PIGR: variants seen among roughly 807,000 people sequenced by gnomAD.
PIGR encodes the protein polymeric immunoglobulin receptor.
Under a neutral mutation model 69.5 loss-of-function variants are expected in PIGR, and 22 were observed. The observed-to-expected ratio is 0.32, with a 90% confidence interval of 0.23 to 0.45. The LOEUF (loss-of-function observed/expected upper bound fraction) is 0.45. Among genes scored for constraint, PIGR ranks in the 20% least tolerant of loss-of-function variants. The pLI is 1.00. For missense variants in PIGR, 885 were observed against 974.0 expected (o/e 0.91, Z 1.22); for synonymous variants, 413 against 407.6 (o/e 1.01, Z -0.16).
intron 1 of PIGR, among the ~76,000 whole-genome samples, chr1:206,945,524 C>T (rs1265248690): frequency 2.0e-5 from 3 of 152,222 alleles, no homozygotes; most frequent in African/African-American, 7.2e-5. Context: ...TGGGGCTCAG[C>T]TCCACCTCAC....
chr1:206,939,101 A>T lies in PIGR; in HGVS notation c.388+18T>A. 1 of 1,583,012 alleles carries T rather than the reference A, an allele frequency of 6.3e-7. No homozygotes were observed. The highest frequency in any genetic ancestry group is 8.6e-7 in the Non-Finnish European group (1 of 1,158,178). On this transcript the variant is annotated intron_variant, in intron 3 of 10. Coordinates refer to ENST00000356495, the MANE Select transcript of PIGR (RefSeq NM_002644.4). ...CCTCTAACTTTCCCCCAGAAGCCCA[A>T]GGAGCTTGGATCCTTACCCTGGCTG...
chr1:206,932,622 G>C, intron 7 of PIGR, 45 bp from the exon 8 acceptor site: 1 of 1,565,354 alleles, frequency 6.4e-7, no homozygotes, highest in Non-Finnish European at 8.7e-7. Context: ...GGGAGATCTG[G>C]GGGCCCGACG....
rs1328118541 is a variant in PIGR at position 206,930,549 on chromosome 1, A to T, written c.2200-136T>A. On this transcript the variant is annotated intron_variant, in intron 10 of 10. Transcript: ENST00000356495. This position sits in a 1 kb window ranked among gnomAD's most constrained non-coding sequence, Gnocchi z 4.3. Reference sequence around the variant, plus strand: ...CAAGCCTTTGGGGCCCACTGTTCTCATCCCAGCCCCCATGCTCACCAAGAA... The same window carrying T: ...CAAGCCTTTGGGGCCCACTGTTCTCTTCCCAGCCCCCATGCTCACCAAGAA... The T allele has an allele frequency of 3.0e-6, 4 of 1,335,954 alleles. No homozygotes were observed. Among genetic ancestry groups the T allele is most frequent in the Admixed American group, 3.5e-5 (1 of 28,260 alleles). 82.8% of individuals were successfully genotyped at this position (1,335,954 alleles called of 1,614,324 possible).
chr1:206,931,157 A>G (rs1679738178), intron 10 of PIGR: 2 of 985,238 alleles, frequency 2.0e-6, no homozygotes, highest in African/African-American at 1.7e-5. Flanking sequence ...GGGTCCCCCA[A>G]CCCAGGAAGA....
intron 3 of PIGR, among the ~76,000 whole-genome samples, chr1:206,938,348 A>G (rs962089626): frequency 2.0e-5 from 3 of 152,190 alleles, no homozygotes; most frequent in African/African-American, 7.2e-5. Flanking sequence ...CTTCACCTCT[A>G]AAGATTCTGT....
Position 206,930,084 on chromosome 1 carries a change from C to T in PIGR, c.*234G>A. The T allele has an allele frequency of 2.3e-6, 1 of 435,480 alleles. No individual in the cohort carries two copies. Among genetic ancestry groups the T allele is most frequent in the Non-Finnish European group, 4.1e-6 (1 of 245,974 alleles). The allele number at this position is 435,480 out of a possible 1,614,324, so 27.0% of individuals were successfully genotyped here. On this transcript the variant is annotated 3_prime_UTR_variant, in exon 11 of 11. Transcript: ENST00000356495. The surrounding 1 kb of genome is among the most constrained non-coding windows in gnomAD (Gnocchi z 4.3). The stretch of plus-strand genomic sequence containing the variant: ...TTCTTCTCCGTACCTGAGGTTCTCT[C>T]AACAGAAAGAAGTTGCAAGTGGGAC...
At chr1:206,943,584 T>C (rs1055719468) in intron 1 of PIGR, among the ~76,000 whole-genome samples, 5 of 152,216 alleles carry the variant, frequency 3.3e-5, no homozygotes, top group Admixed American at 3.3e-4. Context: ...TTTCTTTTTA[T>C]AAAATGTATT....
In PIGR at chr1:206,930,493, T is replaced by A; in HGVS notation, c.2200-80A>T. Reference sequence around the variant, plus strand: ...GTCAGGGGAGGGGAGGTGCTTAATGTCCTGAATTCGTGATCTTGGTCCAAG... The same window carrying A: ...GTCAGGGGAGGGGAGGTGCTTAATGACCTGAATTCGTGATCTTGGTCCAAG... On this transcript the variant is annotated intron_variant, in intron 10 of 10. Transcript: ENST00000356495. The surrounding 1 kb of genome is among the most constrained non-coding windows in gnomAD (Gnocchi z 4.3). 1 of 1,498,858 alleles carries A rather than the reference T, an allele frequency of 6.7e-7. No individual in the cohort carries two copies. The highest frequency in any genetic ancestry group is 1.3e-5 in the South Asian group (1 of 74,438). The allele number at this position is 1,498,858 out of a possible 1,614,324, so 92.8% of individuals were successfully genotyped here. A position where few individuals can be genotyped will look rare whatever the true frequency, so the allele number is the denominator to read the frequency against.
In PIGR at chr1:206,935,709, A is replaced by G; in HGVS notation, c.1155T>C (p.Cys385=). 1.2e-6 allele frequency: 2 copies of G among 1,613,960 alleles called. No homozygotes were observed. Among genetic ancestry groups the G allele is most frequent in the South Asian group, 1.1e-5 (1 of 91,064 alleles). Residue 385 remains cysteine (C), a synonymous_variant, in exon 5 of 11, where the codon TGT becomes TGC. Transcript: ENST00000356495. This position sits in a 1 kb window ranked among gnomAD's most constrained non-coding sequence, Gnocchi z 4.4. ...RKESKSIKYW[C]LWEGAQNGRC... Reference sequence around the variant, plus strand: ...GGCCATTCTGGGCCCCTTCCCAGAGACACCAGTACTTGATGCTTTTGCTTT... The same window carrying G: ...GGCCATTCTGGGCCCCTTCCCAGAGGCACCAGTACTTGATGCTTTTGCTTT...
chr1:206,940,459 G>A, intron 2 of PIGR, 30 bp downstream of exon 2: 2 of 1,550,236 alleles, frequency 1.3e-6, no homozygotes, highest in East Asian at 4.9e-5. Context: ...AAGGGGTGGA[G>A]CTTGGAGAGT....
chr1:206,942,334 A>C (rs186989849), intron 1 of PIGR, among the ~76,000 whole-genome samples: 6 of 152,344 alleles, frequency 3.9e-5, no homozygotes, highest in Admixed American at 2.0e-4. Context: ...CTGCGTGGGC[A>C]CTGCAAGCTG....
rs574544005 is a variant in PIGR, at chr1:206,930,698, A to G, written c.2200-285T>C. 1.0e-6 allele frequency: 1 copy of G among 985,306 alleles called. No individual in the cohort carries two copies. The highest frequency in any genetic ancestry group is 1.2e-6 in the Non-Finnish European group (1 of 829,942). 61.0% of individuals were successfully genotyped at this position (985,306 alleles called of 1,614,324 possible). A position where few individuals can be genotyped will look rare whatever the true frequency, so the allele number is the denominator to read the frequency against. Reference sequence around the variant, plus strand: ...CCGGGCCTGTCCCCGGAAGCTGCCCACACAGTCCACGGGCAAGGTGGCCTA... The same window carrying G: ...CCGGGCCTGTCCCCGGAAGCTGCCCGCACAGTCCACGGGCAAGGTGGCCTA... On this transcript the variant is annotated intron_variant, in intron 10 of 10. Transcript: ENST00000356495. This position sits in a 1 kb window ranked among gnomAD's most constrained non-coding sequence, Gnocchi z 4.3.
At position 206,930,255 on chromosome 1, in the gene PIGR, C is replaced by G; in HGVS notation, c.*63G>C. 3 of 1,448,164 alleles carry G rather than the reference C, an allele frequency of 2.1e-6. No homozygotes were observed. Among genetic ancestry groups the G allele is most frequent in the Non-Finnish European group, 2.8e-6 (3 of 1,062,900 alleles). 89.7% of individuals were successfully genotyped at this position (1,448,164 alleles called of 1,614,324 possible). A position where few individuals can be genotyped will look rare whatever the true frequency, so the allele number is the denominator to read the frequency against. On this transcript the variant is annotated 3_prime_UTR_variant, in exon 11 of 11. Transcript: ENST00000356495. This position sits in a 1 kb window ranked among gnomAD's most constrained non-coding sequence, Gnocchi z 4.3. ...AGTGGGGTCCCCAGGAGCTGAGGGCCCCAGGATCGACATGATTCTGAAGGT... is the reference window on the plus strand; with the variant it reads ...AGTGGGGTCCCCAGGAGCTGAGGGCGCCAGGATCGACATGATTCTGAAGGT...
At chr1:206,934,366 A>G in intron 6 of PIGR, 54 bp downstream of exon 6, 1 of 1,477,956 alleles carries the variant, frequency 6.8e-7, no homozygotes, top group Non-Finnish European at 9.2e-7. Context: ...AGGGGCCTTC[A>G]GGAAGTCCTG....
At chr1:206,936,985 A>G in intron 4 of PIGR, 110 bp downstream of exon 4, 1 of 1,081,836 alleles carries the variant, frequency 9.2e-7, no homozygotes, top group Non-Finnish European at 1.3e-6. Context: ...CATTGAGTGG[A>G]TGCTGTTGGC....
Position 206,935,760 on chromosome 1 carries a change from G to T in PIGR, c.1104C>A (p.Ala368=). ...VVKGVAGGSV[A]VLCPYNRKES... Reference sequence around the variant, plus strand: ...CCTTACGGTTGTAGGGGCAGAGCACGGCCACAGAGCCTCCTGCCACCCCCT... The same window carrying T: ...CCTTACGGTTGTAGGGGCAGAGCACTGCCACAGAGCCTCCTGCCACCCCCT... Residue 368 remains alanine, a synonymous_variant, in exon 5 of 11, where the codon GCC becomes GCA. Transcript: ENST00000356495. The surrounding 1 kb of genome is among the most constrained non-coding windows in gnomAD (Gnocchi z 4.4). 1 of 1,613,544 alleles carries T rather than the reference G, an allele frequency of 6.2e-7. No homozygotes were observed. Among genetic ancestry groups the T allele is most frequent in the Non-Finnish European group, 8.5e-7 (1 of 1,179,578 alleles).
At chr1:206,938,648 A>T (rs1679916188) in intron 3 of PIGR, among the ~76,000 whole-genome samples, 1 of 152,130 alleles carries the variant, frequency 6.6e-6, no homozygotes, top group African/African-American at 2.4e-5. Flanking sequence ...ATTTACCCTG[A>T]TAATACCAAA....
rs754128490 is a variant in PIGR at position 206,937,111 on chromosome 1, T to C, written c.1029A>G (p.Gln343=). 5 of 1,599,334 alleles carry C rather than the reference T, an allele frequency of 3.1e-6. No homozygotes were observed. Among genetic ancestry groups the C allele is most frequent in the Non-Finnish European group, 4.3e-6 (5 of 1,172,668 alleles). Residue 343 remains glutamine (Q), a synonymous_variant, in exon 4 of 11, where the codon CAA becomes CAG. Transcript: ENST00000356495. Reference sequence around the variant, plus strand: ...GGGTCTTACCCTCATTGACGAAGAGTTGCCAGGCCTGGATAGGCGAGCCTT... The same window carrying C: ...GGGTCTTACCCTCATTGACGAAGAGCTGCCAGGCCTGGATAGGCGAGCCTT... ...LQEGSPIQAW[Q]LFVNEESTIP...
chr1:206,940,991 G>A lies in PIGR; in HGVS notation c.-53-407C>T, dbSNP rs955899063. Among the ~76,000 whole-genome samples the A allele has an allele frequency of 2.0e-5, 3 of 152,098 alleles. 1 individual carries two copies. The highest frequency in any genetic ancestry group is 1.3e-4 in the Admixed American group (2 of 15,270). ...TCCCTACATTCCTGGGAGGTGAAGC[G>A]GGCTGACATATTTCACAGTGTGTTC... is the stretch of plus-strand genomic sequence containing the variant. On this transcript the variant is annotated intron_variant, in intron 1 of 10. Transcript: ENST00000356495.
Sources: gnomAD v4.1 joint callset for allele counts (sites outside exome capture counted in the v4.1 genomes callset) on GRCh38, gnomAD v4.1.1 for gene constraint, Gnocchi (gnomAD v3.1) non-coding constraint, MANE v1.5 for transcripts, NCBI Gene and HGNC (gene_info 2026-07-23, HGNC 2026-07-21) for gene names.